The following MOV10 variants were observed in gnomAD, a reference collection of about 807,000 sequenced individuals.
The protein encoded by MOV10 is Mov10 RNA helicase.
MOV10 carries 39 observed loss-of-function variants against 108.4 expected under a neutral mutation model. The observed-to-expected ratio is 0.36, with a 90% CI of 0.28 to 0.47. The LOEUF (loss-of-function observed/expected upper bound fraction) is 0.47. Among genes scored for constraint, MOV10 ranks in the 20% least tolerant of loss-of-function variants. MOV10 has a pLI of 1.00. For missense variants in MOV10, 952 were observed against 1,297.6 expected, an observed-to-expected ratio of 0.73 and a Z score of 4.09; for synonymous variants, 490 against 523.1, an observed-to-expected ratio of 0.94 and a Z score of 0.86.
intron 2 of MOV10, among the ~76,000 whole-genome samples, chr1:112,678,856 G>A (rs1029595617): frequency 6.6e-6 from 1 of 152,046 alleles, no homozygotes; most frequent in African/African-American, 2.4e-5. Context: ...CTGGCGTGGA[G>A]AGTGGCTTGG....
At chr1:112,688,664 T>C (rs12126971) in intron 2 of MOV10, 284,066 of 1,351,520 alleles carry the variant, frequency 0.21, 32,919 homozygotes, top group East Asian at 0.47. Flanking sequence ...CAGCCTGTGA[T>C]TGGGCTTTTC....
At chr1:112,679,853 T>G (rs1330019974) in intron 2 of MOV10, among the ~76,000 whole-genome samples, 1 of 152,154 alleles carries the variant, frequency 6.6e-6, no homozygotes, top group Admixed American at 6.5e-5. Context: ...CTAACTCTTG[T>G]TAGTGAGAAC....
In MOV10 at chr1:112,689,477, G is replaced by A. The variant is rs147811471; in HGVS notation, c.404G>A (p.Arg135Gln). ...DVEVQGPHEA[R>Q]DGQLLIRLDL... ...GAAGTCCAGGGGCCCCATGAAGCCC[G>A]AGATGGGCAGCTCCTTATCCGCCTG... The change falls in exon 4 of 21, where the codon CGA becomes CAA. Residue 135 changes from arginine to glutamine, a missense_variant. Arg to Gln is a conservative substitution (Grantham distance 43, BLOSUM62 1). Coordinates refer to ENST00000369645, the MANE Select transcript of MOV10 (RefSeq NM_001321324.2). The A allele has an allele frequency of 1.1e-5, 17 of 1,509,968 alleles. No individual in the cohort carries two copies. The highest frequency in any genetic ancestry group is 1.1e-4 in the African/African-American group (8 of 71,200). 93.5% of individuals were successfully genotyped at this position (1,509,968 alleles called of 1,614,324 possible). A position where few individuals can be genotyped will look rare whatever the true frequency, so the allele number is the denominator to read the frequency against.
In MOV10 at chr1:112,698,013, G is replaced by C; in HGVS notation, c.2218G>C (p.Asp740His). Residue 740 changes from aspartate (D) to histidine (H), a missense_variant, in exon 15 of 21, where the codon GAC (aspartate) becomes CAC (histidine). Transcript: ENST00000369645. Reference protein sequence around the residue: ...RNYRSHPTILDIPNQLYYEGE... With the variant: ...RNYRSHPTILHIPNQLYYEGE... Reference sequence around the variant, plus strand: ...TCCCAGGTCTCATCCCACCATCCTGGACATTCCTAACCAGCTCTATTATGA... The same window carrying C: ...TCCCAGGTCTCATCCCACCATCCTGCACATTCCTAACCAGCTCTATTATGA... 6.2e-7 allele frequency: 1 copy of C among 1,614,192 alleles called. No individual in the cohort carries two copies. The highest frequency in any genetic ancestry group is 1.1e-5 in the South Asian group (1 of 91,082).
intron 2 of MOV10, among the ~76,000 whole-genome samples, chr1:112,688,054 A>C (rs1673226838): frequency 6.6e-6 from 1 of 152,022 alleles, no homozygotes; most frequent in Non-Finnish European, 1.5e-5. Flanking sequence ...CTCTGCCCCC[A>C]GACTGGGCTC....
In MOV10 at chr1:112,694,300, C is replaced by T; in HGVS notation, c.1295+128C>T. 1.4e-6 allele frequency: 2 copies of T among 1,417,824 alleles called. No homozygotes were observed. The highest frequency in any genetic ancestry group is 2.0e-6 in the Non-Finnish European group (2 of 1,021,276). The allele number at this position is 1,417,824 out of a possible 1,614,324, so 87.8% of individuals were successfully genotyped here. ...AGCAGGAGACTTTTCCTCAGGGGTA[C>T]CCTGAGATGCTACGGCAGCTTCCTC... On this transcript the variant is annotated intron_variant, in intron 8 of 20. Coordinates refer to ENST00000369645, the MANE Select transcript of MOV10 (RefSeq NM_001321324.2). This position sits in a 1 kb window ranked among gnomAD's most constrained non-coding sequence, Gnocchi z 4.1.
intron 2 of MOV10, among the ~76,000 whole-genome samples, chr1:112,684,384 C>T (rs1672910706): frequency 6.6e-6 from 1 of 151,550 alleles, no homozygotes; most frequent in Non-Finnish European, 1.5e-5. Context: ...TCTCCTGCCT[C>T]AGCCTCCTGA....
chr1:112,693,317 A>C (rs139480550), intron 7 of MOV10, among the ~76,000 whole-genome samples: 34 of 152,326 alleles, frequency 2.2e-4, no homozygotes, highest in Admixed American at 5.9e-4. Context: ...TGGGAATTAG[A>C]GGGTGAGTTT....
chr1:112,692,541 C>T (rs761075439), intron 6 of MOV10, among the ~76,000 whole-genome samples: 10 of 152,128 alleles, frequency 6.6e-5, no homozygotes, highest in Non-Finnish European at 7.4e-5. Flanking sequence ...AAATGCAAGT[C>T]GGGTGAGGTG....
intron 6 of MOV10, among the ~76,000 whole-genome samples, chr1:112,692,266 AG>A (rs1388390902): frequency 6.6e-6 from 1 of 152,204 alleles, no homozygotes; most frequent in African/African-American, 2.4e-5. Context: ...CAGGAGGTTG[AG>A]GACACAGTGA....
rs577778969 is a variant in MOV10 at position 112,675,215 on chromosome 1, C to T, written c.137+166C>T. Among the ~76,000 whole-genome samples the T allele has an allele frequency of 2.0e-3, 302 of 152,126 alleles. 1 individual carries two copies. The highest frequency in any genetic ancestry group is 7.0e-3 in the African/African-American group (292 of 41,548). On this transcript the variant is annotated intron_variant, in intron 2 of 20. Coordinates refer to ENST00000369645, the MANE Select transcript of MOV10 (RefSeq NM_001321324.2). The surrounding 1 kb of genome is among the most constrained non-coding windows in gnomAD (Gnocchi z 4.7). ...GACCTCCCCTCCCGCGCCTCGCCCACGCCCCACCAGCGCCGCCCGGAGCCC... is the reference window on the plus strand; with the variant it reads ...GACCTCCCCTCCCGCGCCTCGCCCATGCCCCACCAGCGCCGCCCGGAGCCC...
chr1:112,697,854 T>G, intron 14 of MOV10, 140 bp from the exon 15 acceptor site: 1 of 703,010 alleles, frequency 1.4e-6, no homozygotes, highest in Non-Finnish European at 2.5e-6. Context: ...CAGCAGATAT[T>G]ATGGAGGAGT....
chr1:112,677,399 G>A (rs1203368217), intron 2 of MOV10, among the ~76,000 whole-genome samples: 1 of 152,106 alleles, frequency 6.6e-6, no homozygotes, highest in Non-Finnish European at 1.5e-5. Context: ...TAAAGAACTT[G>A]CCTACACATC....
At position 112,691,646 on chromosome 1, in the gene MOV10, T is replaced by C. The variant is rs1673594728; in HGVS notation, c.837-19T>C. On this transcript the variant is annotated intron_variant, in intron 5 of 20. Coordinates refer to ENST00000369645, the MANE Select transcript of MOV10 (RefSeq NM_001321324.2). ...GGAGGGTGAGGGGTTTTCTGTGTTT[T>C]CTTCCCTCGATTCTGCAGCGCTAAG... is the stretch of plus-strand genomic sequence containing the variant. The C allele has an allele frequency of 1.2e-6, 2 of 1,609,372 alleles. No homozygotes were observed. Among genetic ancestry groups the C allele is most frequent in the African/African-American group, 2.7e-5 (2 of 74,844 alleles).
chr1:112,677,447 C>T (rs1242470906), intron 2 of MOV10, among the ~76,000 whole-genome samples: 4 of 151,486 alleles, frequency 2.6e-5, no homozygotes, highest in Admixed American at 2.0e-4. Context: ...AGTCAACCTT[C>T]ATTTCCCAGT....
chr1:112,693,921 C>A, intron 7 of MOV10, 97 bp from the exon 8 acceptor site: 1 of 1,103,086 alleles, frequency 9.1e-7, no homozygotes, highest in Non-Finnish European at 1.3e-6. Context: ...GAAGGCCAGT[C>A]TCAGTCCTTG....
chr1:112,688,967 T>A lies in MOV10; in HGVS notation c.170T>A (p.Met57Lys), dbSNP rs1391988109. ...ACCCCCGCCCCTGGCTTCTCCTCCA[T>A]GCTGTATGGAATGAAGATTGCAAAT... is the stretch of plus-strand genomic sequence containing the variant. ...FGTPAPGFSS[M>K]LYGMKIANLA... Residue 57 changes from methionine to lysine, a missense_variant, in exon 3 of 21, where the codon ATG becomes AAG. Around this residue, in one of 5 missense-constraint regions of MOV10, gnomAD observed 374 missense variants for 468.6 expected, o/e 0.80. Coordinates refer to ENST00000369645, the MANE Select transcript of MOV10 (RefSeq NM_001321324.2). The A allele has an allele frequency of 1.2e-5, 19 of 1,612,362 alleles. No individual in the cohort carries two copies. Among genetic ancestry groups the A allele is most frequent in the Non-Finnish European group, 1.6e-5 (19 of 1,180,016 alleles).
In MOV10 at chr1:112,700,235, A is replaced by T; in HGVS notation, c.2815A>T (p.Lys939Ter). Residue 939 changes from lysine (K) to a stop codon, truncating the protein, a stop_gained, in exon 20 of 21, where the codon AAA becomes TAA. Coordinates refer to ENST00000369645, the MANE Select transcript of MOV10 (RefSeq NM_001321324.2). LOFTEE classifies it high-confidence loss of function. ...ACCCCACAGATTCCTGGAGTTCTGTAAAGAAAACGGAGGGTATACCGGGTG... is the reference window on the plus strand; with the variant it reads ...ACCCCACAGATTCCTGGAGTTCTGTTAAGAAAACGGAGGGTATACCGGGTG... ...PDWKVFLEFC[K>*]ENGGYTGCPF... is the part of the protein sequence containing the mutation. The T allele has an allele frequency of 6.2e-7, 1 of 1,614,082 alleles. No individual in the cohort carries two copies.
At chr1:112,678,030 A>G (rs1426265196) in intron 2 of MOV10, among the ~76,000 whole-genome samples, 1 of 152,114 alleles carries the variant, frequency 6.6e-6, no homozygotes, top group Non-Finnish European at 1.5e-5. Flanking sequence ...AATGCAATAC[A>G]GTAGTATAGG....
Sources: allele counts gnomAD v4.1 joint callset (sites outside exome capture counted in the v4.1 genomes callset), GRCh38; gene constraint gnomAD v4.1.1; regional missense constraint gnomAD v4.1.1; non-coding constraint Gnocchi (gnomAD v3.1); transcripts MANE v1.5; gene names NCBI Gene and HGNC (gene_info 2026-07-23, HGNC 2026-07-21).